The following PDXDC1 variants were observed in gnomAD, a reference collection of about 807,000 sequenced individuals.
The protein encoded by PDXDC1 is pyridoxal dependent decarboxylase domain containing 1.
Under a neutral mutation model 100.1 loss-of-function variants are expected in PDXDC1, and 42 were observed. The observed-to-expected ratio is 0.42, with a 90% confidence interval of 0.33 to 0.54. The LOEUF is 0.54. PDXDC1 is among the 20% of genes least tolerant of loss of function. The pLI is 0.10. For missense variants in PDXDC1, 636 were observed against 979.2 expected (o/e 0.65, Z 4.68); for synonymous variants, 260 against 371.7 (o/e 0.70, Z 3.46).
At chr16:15,147,984 C>G in the PDXDC1 span, among the ~76,000 whole-genome samples, 2 of 151,434 alleles carry the variant, frequency 1.3e-5, no homozygotes, top group African/African-American at 4.9e-5. Flanking sequence ...CGCGCCCACC[C>G]TGTTTTTTTG....
At chr16:15,069,036 C>T (rs556310436) in intron 16 of PDXDC1, among the ~76,000 whole-genome samples, 1 of 152,276 alleles carries the variant, frequency 6.6e-6, no homozygotes, top group South Asian at 2.1e-4. Flanking sequence ...ATTTACTTAC[C>T]TTGTGATAAA....
At chr16:15,131,996 T>A (rs1247987616) in intron 16 of PDXDC1, among the ~76,000 whole-genome samples, 1 of 702 alleles carries the variant, frequency 1.4e-3, no homozygotes, top group Non-Finnish European at 3.9e-3. Flanking sequence ...AGCAGGGGGA[T>A]AAGGGAGGGG....
Position 15,135,158 on chromosome 16 carries a change from T to C in PDXDC1, c.1400-3721T>C, listed in dbSNP as rs1372589977. ...GCAGGCTGTCGTGTTACGTAGAATT[T>C]GCATCAGAAACAGAGAGGGAAGAGC... On this transcript the variant is annotated intron_variant, in intron 16 of 16. Transcript: ENST00000535621. The C allele has an allele frequency of 4.6e-5, 38 of 833,932 alleles. No homozygotes were observed. In the Admixed American group the frequency reaches 6.9e-4, roughly 15 times the overall value. The allele number at this position is 833,932 out of a possible 1,614,324, so 51.7% of individuals were successfully genotyped here.
In PDXDC1 at chr16:15,101,974, G is replaced by A. The variant is rs1285605126; in HGVS notation, c.1400-36905G>A. Among the ~76,000 whole-genome samples, 9 of 152,024 alleles carry A rather than the reference G, an allele frequency of 5.9e-5. No homozygotes were observed. In the South Asian group the frequency reaches 1.0e-3, roughly 18 times the overall value. On this transcript the variant is annotated intron_variant, in intron 16 of 16. Coordinates refer to the PDXDC1 transcript ENST00000535621. ...AGCGATTCTCCTGCCTCAGCCTCCC[G>A]AGTAGCTGGGATTACAGGTGCGTGC...
At position 14,987,962 on chromosome 16, in the gene PDXDC1, A is replaced by G. The variant is rs574114649; in HGVS notation, c.22-9791A>G. 4.0e-5 allele frequency among the ~76,000 whole-genome samples: 6 copies of G among 151,692 alleles called. No homozygotes were observed. In the South Asian group the frequency reaches 1.3e-3, roughly 32 times the overall value. On this transcript the variant is annotated intron_variant, in intron 1 of 22. Coordinates refer to ENST00000396410, the MANE Select transcript of PDXDC1 (RefSeq NM_015027.4). Reference sequence around the variant, plus strand: ...CAAACATTTTCCTATGTACTAACTAATAGACATCTTTATACATCTTTATAC... The same window carrying G: ...CAAACATTTTCCTATGTACTAACTAGTAGACATCTTTATACATCTTTATAC...
At position 14,989,130 on chromosome 16, in the gene PDXDC1, G is replaced by A. The variant is rs1970103043; in HGVS notation, c.22-8623G>A. ...GTCAGTGATCTTCATTTCCACTCCTGGGCTGAAGAGCTGAGCCCAGAGGAG... is the reference window on the plus strand; with the variant it reads ...GTCAGTGATCTTCATTTCCACTCCTAGGCTGAAGAGCTGAGCCCAGAGGAG... On this transcript the variant is annotated intron_variant, in intron 1 of 22. Coordinates refer to ENST00000396410, the MANE Select transcript of PDXDC1 (RefSeq NM_015027.4). 6 of 1,614,156 alleles carry A rather than the reference G, an allele frequency of 3.7e-6. No homozygotes were observed. In the Admixed American group the frequency reaches 1.0e-4, roughly 27 times the overall value.
chr16:15,013,789 C>T (rs1402263606), intron 8 of PDXDC1, among the ~76,000 whole-genome samples: 31 of 150,950 alleles, frequency 2.1e-4, no homozygotes, highest in Admixed American at 1.4e-3. Flanking sequence ...GCAGGAAAAT[C>T]GCTTGAACCT....
At chr16:15,104,436 G>T (rs1332374253) in intron 16 of PDXDC1, 1 of 1,339,868 alleles carries the variant, frequency 7.5e-7, no homozygotes, top group Non-Finnish European at 9.7e-7. Flanking sequence ...TCCGCTGAGG[G>T]TGGAGCTGAG....
intron 15 of PDXDC1, 90 bp from the exon 16 acceptor site, chr16:15,029,861 C>G: frequency 8.2e-7 from 1 of 1,214,026 alleles, no homozygotes; most frequent in Non-Finnish European, 1.2e-6. Flanking sequence ...CCAGGAGGCT[C>G]TTTGGTCTGG....
At chr16:14,989,177 C>A (rs1478307355) in intron 1 of PDXDC1, 41 of 1,614,070 alleles carry the variant, frequency 2.5e-5, no homozygotes, top group Admixed American at 1.2e-4. Flanking sequence ...GAAGCAGCTC[C>A]GCCGCTGGCA....
At chr16:15,106,589 A>C (rs1048368856) in intron 16 of PDXDC1, among the ~76,000 whole-genome samples, 1 of 149,958 alleles carries the variant, frequency 6.7e-6, no homozygotes, top group Non-Finnish European at 1.5e-5. Context: ...CCCTGTCTCT[A>C]CTAAAAATAC....
chr16:14,982,465 A>G (rs1426427528), intron 1 of PDXDC1, among the ~76,000 whole-genome samples: 2 of 152,276 alleles, frequency 1.3e-5, no homozygotes. Flanking sequence ...TCTACTAAAA[A>G]TACAAAAATT....
In PDXDC1 at chr16:15,128,332, C is replaced by T. The variant is rs563687319; in HGVS notation, c.1400-10547C>T. The T allele has an allele frequency of 8.1e-5, 131 of 1,609,542 alleles. 1 individual carries two copies. The highest frequency in any genetic ancestry group is 2.1e-4 in the South Asian group (19 of 90,960). On this transcript the variant is annotated intron_variant, in intron 16 of 16. Coordinates refer to the PDXDC1 transcript ENST00000535621. Reference sequence around the variant, plus strand: ...GAAGGCTCTGTCGCCATCCAGGTGCCGGTGGCCGCTCCGGCTGTCCACCCC... The same window carrying T: ...GAAGGCTCTGTCGCCATCCAGGTGCTGGTGGCCGCTCCGGCTGTCCACCCC...
chr16:15,006,125 C>T (rs1245567282), intron 5 of PDXDC1, among the ~76,000 whole-genome samples: 5 of 152,296 alleles, frequency 3.3e-5, no homozygotes, highest in African/African-American at 7.2e-5. Context: ...CTTTTTATAT[C>T]TGAGAATTCC....
intron 16 of PDXDC1, among the ~76,000 whole-genome samples, chr16:15,091,087 C>G (rs1449785155): frequency 1.3e-5 from 2 of 152,062 alleles, no homozygotes; most frequent in African/African-American, 4.8e-5. Flanking sequence ...CATTCACCCA[C>G]TAGATGCCAG....
At chr16:15,130,509 G>A (rs1321448976) in intron 16 of PDXDC1, 42 of 1,347,262 alleles carry the variant, frequency 3.1e-5, no homozygotes, top group East Asian at 2.8e-4. Flanking sequence ...GTTGGATATC[G>A]GAGTCCCAGA....
intron 1 of PDXDC1, among the ~76,000 whole-genome samples, chr16:14,985,062 A>T (rs1288449121): frequency 4.0e-5 from 2 of 50,434 alleles, no homozygotes; most frequent in Admixed American, 3.3e-4. Context: ...TTTAGTAGAG[A>T]TGGATGGGGT....
intron 16 of PDXDC1, among the ~76,000 whole-genome samples, chr16:15,098,266 G>A (rs914565944): frequency 6.7e-6 from 1 of 149,080 alleles, no homozygotes; most frequent in Admixed American, 6.8e-5. Context: ...AGTGGCACAA[G>A]CTCAGCTCAC....
At chr16:15,086,406 A>T in intron 16 of PDXDC1, 1 of 1,613,792 alleles carries the variant, frequency 6.2e-7, no homozygotes, top group South Asian at 1.1e-5. Flanking sequence ...TTTGTCAAGT[A>T]CATGATAGAA....
Sources: gnomAD v4.1 joint callset for allele counts (sites outside exome capture counted in the v4.1 genomes callset) on GRCh38, gnomAD v4.1.1 for gene constraint, MANE v1.5 for transcripts, NCBI Gene and HGNC (gene_info 2026-07-23, HGNC 2026-07-21) for gene names.